MRPS35: variants seen among roughly 807,000 people sequenced by gnomAD.
MRPS35 encodes the protein small ribosomal subunit protein mS35.
A neutral mutation model predicts 32.7 loss-of-function variants in MRPS35; 29 were observed. The ratio of observed to expected loss-of-function variants is 0.89; its 90% CI spans 0.66 to 1.21. The LOEUF (loss-of-function observed/expected upper bound fraction) is 1.21, where lower values mean the gene tolerates loss of function less well. MRPS35 is among the 50% of genes most tolerant of loss of function. The probability of loss-of-function intolerance (pLI) is 0.00; values close to 1 mark genes in which losing one functional copy is unlikely to be tolerated. For synonymous variants in MRPS35, 148 were observed against 139.3 expected, an observed-to-expected ratio of 1.06 and a Z score of -0.44; for missense variants, 373 against 383.8, an observed-to-expected ratio of 0.97 and a Z score of 0.23.
At chr12:27,713,048 A>G (rs1244273442) in intron 1 of MRPS35, among the ~76,000 whole-genome samples, 2 of 152,182 alleles carry the variant, frequency 1.3e-5, no homozygotes, top group African/African-American at 4.8e-5. Context: ...AGGATGCATT[A>G]TAGTTAAGAC....
At chr12:27,715,950 C>T (rs545372397) in intron 2 of MRPS35, among the ~76,000 whole-genome samples, 12 of 152,060 alleles carry the variant, frequency 7.9e-5, no homozygotes, top group East Asian at 1.9e-4. Flanking sequence ...CAAAGAAGTT[C>T]GAAAAATTAT....
At chr12:27,738,818 A>T (rs925918740) in intron 7 of MRPS35, among the ~76,000 whole-genome samples, 5 of 152,150 alleles carry the variant, frequency 3.3e-5, no homozygotes, top group African/African-American at 1.2e-4. Flanking sequence ...AAGTTTTCAT[A>T]TGGAAGAGGG....
chr12:27,723,992 T>C, intron 4 of MRPS35, 55 bp from the exon 5 acceptor site: 1 of 1,574,436 alleles, frequency 6.4e-7, no homozygotes, highest in South Asian at 1.2e-5. Flanking sequence ...TAGTATGCAT[T>C]ACAATGAGAA....
At chr12:27,711,306 C>T (rs1224055656) in intron 1 of MRPS35, among the ~76,000 whole-genome samples, 1 of 152,186 alleles carries the variant, frequency 6.6e-6, no homozygotes, top group African/African-American at 2.4e-5. Context: ...CATGGATTTC[C>T]CCAAACATTA....
rs2140788949 is a variant in MRPS35, at chr12:27,755,238, G to C, written c.760G>C (p.Glu254Gln). The C allele has an allele frequency of 1.2e-6, 2 of 1,610,206 alleles. No homozygotes were observed. Among genetic ancestry groups the C allele is most frequent in the Middle Eastern group, 1.7e-4 (1 of 6,036 alleles). ...AGCAGACATGGAAGAGTATATATGG[G>C]AAAATAGCTCATCAGAAAGAAATAT... Reference protein sequence around the residue: ...TEADMEEYIWENSSSERNILE... With the variant: ...TEADMEEYIWQNSSSERNILE... Residue 254 changes from glutamate to glutamine, a missense_variant, in exon 8 of 8, where the codon GAA (glutamate) becomes CAA (glutamine). By Grantham distance (29) the Glu-to-Gln change is conservative. Transcript: ENST00000081029.
intron 7 of MRPS35, 122 bp from the exon 8 acceptor site, chr12:27,755,059 C>T: frequency 8.3e-7 from 1 of 1,207,356 alleles, no homozygotes; most frequent in African/African-American, 1.6e-5. Flanking sequence ...CCACATTTTG[C>T]AAACTTCTCT....
At chr12:27,745,130 A>G (rs1565471086) in intron 7 of MRPS35, among the ~76,000 whole-genome samples, 1 of 152,210 alleles carries the variant, frequency 6.6e-6, no homozygotes, top group African/African-American at 2.4e-5. Context: ...TCCATCTTTT[A>G]AAAGTGCTTC....
intron 7 of MRPS35, among the ~76,000 whole-genome samples, chr12:27,745,153 C>CT (rs925696198): frequency 2.6e-5 from 4 of 152,176 alleles, no homozygotes; most frequent in African/African-American, 4.8e-5. Flanking sequence ...AATACTTTGT[C>CT]TTTTTTCTTT....
chr12:27,751,827 A>G (rs543621331), intron 7 of MRPS35, among the ~76,000 whole-genome samples: 1 of 152,322 alleles, frequency 6.6e-6, no homozygotes, highest in East Asian at 1.9e-4. Flanking sequence ...ACTTACACAA[A>G]CAGGTTATAT....
intron 6 of MRPS35, among the ~76,000 whole-genome samples, 154 bp downstream of exon 6, chr12:27,735,710 C>A (rs1279170415): frequency 6.6e-6 from 1 of 152,178 alleles, no homozygotes; most frequent in East Asian, 1.9e-4. Context: ...TTTTTAATAT[C>A]CTCACACTGG....
At chr12:27,751,596 T>G (rs776349514) in intron 7 of MRPS35, among the ~76,000 whole-genome samples, 22 of 152,192 alleles carry the variant, frequency 1.4e-4, no homozygotes, top group Non-Finnish European at 2.8e-4. Context: ...TCCCCTGCCT[T>G]CAGGGTCAGC....
chr12:27,724,205 T>A lies in MRPS35; in HGVS notation c.522+19T>A. 6.5e-7 allele frequency: 1 copy of A among 1,537,894 alleles called. No individual in the cohort carries two copies. The highest frequency in any genetic ancestry group is 8.7e-7 in the Non-Finnish European group (1 of 1,147,472). Reference sequence around the variant, plus strand: ...CTTAAGAGTAAGAGTTTTTTTCATTTTTTTTTTTTAAATAAGAATCATTCT... The same window carrying A: ...CTTAAGAGTAAGAGTTTTTTTCATTATTTTTTTTTAAATAAGAATCATTCT... On this transcript the variant is annotated intron_variant, in intron 5 of 7. Transcript: ENST00000081029.
chr12:27,731,719 C>G (rs1254003576), intron 5 of MRPS35, among the ~76,000 whole-genome samples: 1 of 152,106 alleles, frequency 6.6e-6, no homozygotes, highest in Non-Finnish European at 1.5e-5. Flanking sequence ...TAGGAATGCT[C>G]CACCACACCC....
intron 5 of MRPS35, among the ~76,000 whole-genome samples, chr12:27,732,987 GAT>G (rs56932909): frequency 1.7e-3 from 204 of 120,612 alleles, no homozygotes; most frequent in Non-Finnish European, 2.6e-3. Context: ...GTCATTTGAA[GAT>G]ATATATATAT....
intron 3 of MRPS35, among the ~76,000 whole-genome samples, chr12:27,718,296 G>A (rs547873991): frequency 1.3e-5 from 2 of 152,232 alleles, no homozygotes; most frequent in South Asian, 2.1e-4. Context: ...GTGTAGTGGC[G>A]CATGCCTGTA....
intron 7 of MRPS35, among the ~76,000 whole-genome samples, chr12:27,744,281 A>T (rs1380808267): frequency 6.6e-6 from 1 of 152,086 alleles, no homozygotes; most frequent in Non-Finnish European, 1.5e-5. Flanking sequence ...GTGCTAGGTA[A>T]GAATACTAAA....
intron 7 of MRPS35, among the ~76,000 whole-genome samples, chr12:27,742,685 C>A (rs2061968384): frequency 6.6e-6 from 1 of 152,178 alleles, no homozygotes. Flanking sequence ...CAGAGACAGG[C>A]TGTGAAGCTC....
intron 6 of MRPS35, 67 bp downstream of exon 6, chr12:27,735,623 G>C: frequency 8.4e-7 from 1 of 1,187,992 alleles, no homozygotes. Flanking sequence ...TTCCTTGGCA[G>C]TCCTTTTTAA....
chr12:27,742,621 A>G (rs2061968176), intron 7 of MRPS35, among the ~76,000 whole-genome samples: 1 of 152,206 alleles, frequency 6.6e-6, no homozygotes, highest in Non-Finnish European at 1.5e-5. Flanking sequence ...AGTTTGGTGT[A>G]GCCAGGGTAT....
Sources: allele counts gnomAD v4.1 joint callset (sites outside exome capture counted in the v4.1 genomes callset), GRCh38; gene constraint gnomAD v4.1.1; transcripts MANE v1.5; gene names NCBI Gene and HGNC (gene_info 2026-07-23, HGNC 2026-07-21).